AUTS2: variants seen among roughly 807,000 people sequenced by gnomAD.
AUTS2 encodes the protein autism susceptibility gene 2 protein.
AUTS2 carries 17 observed loss-of-function variants against 112.4 expected under a neutral mutation model. The observed-to-expected ratio is 0.15, with a 90% CI of 0.10 to 0.23. AUTS2 has a LOEUF of 0.23. Ranked by LOEUF, AUTS2 falls within the 10% of genes least tolerant of loss-of-function variation. The probability of loss-of-function intolerance (pLI) is 1.00; values close to 1 mark genes in which losing one functional copy is unlikely to be tolerated. For missense variants in AUTS2, 1,510 were observed against 1,701.6 expected (o/e 0.89, Z 1.98); for synonymous variants, 751 against 702.7 (o/e 1.07, Z -1.09).
In AUTS2 at chr7:70,683,758, G is replaced by A. The variant is rs181528152; in HGVS notation, c.691-14811G>A. Among the ~76,000 whole-genome samples, 9 of 152,288 alleles carry A rather than the reference G, an allele frequency of 5.9e-5. No individual in the cohort carries two copies. The South Asian group carries it at 8.3e-4, about 14-fold the overall frequency. ...GCTTGCCCTGACCCTATGTAACAGC[G>A]GCATATGATCATAATAACTGGCATT... On this transcript the variant is annotated intron_variant, in intron 5 of 18. Coordinates refer to ENST00000342771, the MANE Select transcript of AUTS2 (RefSeq NM_015570.4).
At chr7:70,507,934 C>T (rs1367278443) in intron 5 of AUTS2, among the ~76,000 whole-genome samples, 1 of 152,176 alleles carries the variant, frequency 6.6e-6, no homozygotes, top group Non-Finnish European at 1.5e-5. Context: ...GACACAAATA[C>T]CAAAAATATT....
rs933007361 is a variant in AUTS2, at chr7:69,929,715, T to C, written c.522+30217T>C. 3.9e-5 allele frequency among the ~76,000 whole-genome samples: 6 copies of C among 152,342 alleles called. No individual in the cohort carries two copies. The East Asian group carries it at 1.2e-3, about 29-fold the overall frequency. On this transcript the variant is annotated intron_variant, in intron 2 of 18. Transcript: ENST00000342771. ...TTGGTTACAGTGTTTTTAAAAATAC[T>C]TACAAGTCTCTATTTAACTGTTTGA...
chr7:69,602,018 G>GTATATATATATA (rs765066810), intron 1 of AUTS2, among the ~76,000 whole-genome samples: 116 of 22,352 alleles, frequency 5.2e-3, no homozygotes, highest in East Asian at 7.4e-3. Context: ...ATATGTGTGT[G>GTATATATATATA]TGTATATATA....
intron 4 of AUTS2, among the ~76,000 whole-genome samples, chr7:70,191,997 AAAGAG>A (rs904346053): frequency 6.6e-6 from 1 of 151,806 alleles, no homozygotes. Context: ...AAAAAAAAGA[AAAGAG>A]AAAAGTAGTC....
chr7:69,789,477 G>C (rs1163859547), intron 1 of AUTS2, among the ~76,000 whole-genome samples: 2 of 152,184 alleles, frequency 1.3e-5, no homozygotes, highest in African/African-American at 4.8e-5. Context: ...ATTTAAGTAA[G>C]TCCCTGTTGT....
At chr7:70,333,187 C>G (rs533488938) in intron 4 of AUTS2, among the ~76,000 whole-genome samples, 1 of 152,034 alleles carries the variant, frequency 6.6e-6, no homozygotes, top group South Asian at 2.1e-4. Context: ...GACATTTATG[C>G]GGCCAAGAAA....
chr7:69,871,226 G>A (rs1793482145), intron 1 of AUTS2, among the ~76,000 whole-genome samples: 1 of 152,160 alleles, frequency 6.6e-6, no homozygotes. Context: ...GGTATGTTAG[G>A]ATTTCTTGCC....
Position 70,424,569 on chromosome 7 carries a change from T to TTTTG in AUTS2, c.661-11167_661-11164dup, listed in dbSNP as rs550955179. On this transcript the variant is annotated intron_variant, in intron 4 of 18. Transcript: ENST00000342771. ...AGCTGTTGTCAGGATTCTTGGTGTTTTTTGTTTGTTTGTTTGTTTCTTTGT... is the reference window on the plus strand; with the variant it reads ...AGCTGTTGTCAGGATTCTTGGTGTTTTTTGTTTGTTTGTTTGTTTGTTTCTTTGT... Among the ~76,000 whole-genome samples the TTTTG allele has an allele frequency of 1.7e-4, 26 of 152,094 alleles. No homozygotes were observed. The East Asian group carries it at 2.9e-3, about 17-fold the overall frequency.
At chr7:70,026,983 T>G (rs530056375) in intron 2 of AUTS2, among the ~76,000 whole-genome samples, 1 of 152,174 alleles carries the variant, frequency 6.6e-6, no homozygotes, top group Non-Finnish European at 1.5e-5. Flanking sequence ...AATCATTTTT[T>G]TTTTTACGTT....
intron 2 of AUTS2, among the ~76,000 whole-genome samples, chr7:70,090,868 G>A (rs1297974209): frequency 2.6e-5 from 4 of 151,866 alleles, no homozygotes; most frequent in Admixed American, 2.0e-4. Flanking sequence ...TAGTAGAGAT[G>A]GGGTTTCACC....
At chr7:70,169,093 C>T (rs960989158) in intron 4 of AUTS2, among the ~76,000 whole-genome samples, 10 of 152,012 alleles carry the variant, frequency 6.6e-5, no homozygotes, top group Non-Finnish European at 8.8e-5. Flanking sequence ...AAAACAGGCT[C>T]AGGGCTTAGG....
At chr7:69,939,189 G>T (rs1192936647) in intron 2 of AUTS2, among the ~76,000 whole-genome samples, 1 of 152,092 alleles carries the variant, frequency 6.6e-6, no homozygotes, top group Non-Finnish European at 1.5e-5. Flanking sequence ...TTAATTTGTA[G>T]AGGGCTCAAC....
chr7:69,733,244 G>A (rs1416858000), intron 1 of AUTS2, among the ~76,000 whole-genome samples: 1 of 152,160 alleles, frequency 6.6e-6, no homozygotes, highest in South Asian at 2.1e-4. Context: ...GTATTCACCT[G>A]TTTAGTCAGT....
chr7:70,668,784 C>T (rs1477702244), intron 5 of AUTS2, among the ~76,000 whole-genome samples: 1 of 152,156 alleles, frequency 6.6e-6, no homozygotes, highest in Non-Finnish European at 1.5e-5. Context: ...AGGGGAATTC[C>T]GAAAATAGAC....
chr7:69,650,838 T>C (rs1348034110), intron 1 of AUTS2, among the ~76,000 whole-genome samples: 1 of 152,232 alleles, frequency 6.6e-6, no homozygotes, highest in African/African-American at 2.4e-5. Context: ...CTATGTGGCA[T>C]GCTGTGTTTC....
At chr7:69,600,478 A>G (rs1792329196) in intron 1 of AUTS2, among the ~76,000 whole-genome samples, 1 of 141,860 alleles carries the variant, frequency 7.0e-6, no homozygotes. Context: ...TGTCCTCGGG[A>G]CTGGAGACTG....
intron 3 of AUTS2, among the ~76,000 whole-genome samples, chr7:70,134,256 A>G (rs1195166600): frequency 2.0e-5 from 3 of 152,158 alleles, no homozygotes; most frequent in South Asian, 2.1e-4. Flanking sequence ...TCATTAATTC[A>G]TTACCCAGCT....
intron 1 of AUTS2, among the ~76,000 whole-genome samples, chr7:69,784,005 A>G (rs1369124154): frequency 2.0e-5 from 3 of 152,240 alleles, no homozygotes; most frequent in Admixed American, 6.5e-5. Context: ...TTATGCTGCT[A>G]TGACAGCCCC....
chr7:70,398,574 TATTAA>T (rs1794188225), intron 4 of AUTS2, among the ~76,000 whole-genome samples: 2 of 152,184 alleles, frequency 1.3e-5, no homozygotes, highest in Admixed American at 1.3e-4. Context: ...ATTGATGTTA[TATTAA>T]ATTATGATAA....
Sources: gnomAD v4.1 joint callset for allele counts (sites outside exome capture counted in the v4.1 genomes callset) on GRCh38, gnomAD v4.1.1 for gene constraint, MANE v1.5 for transcripts, NCBI Gene and HGNC (gene_info 2026-07-23, HGNC 2026-07-21) for gene names.